The following CNTNAP2 variants were observed in gnomAD, a reference collection of about 807,000 sequenced individuals.
The protein encoded by CNTNAP2 is contactin associated protein 2.
CNTNAP2 carries 98 observed loss-of-function variants against 155.2 expected under a neutral mutation model. That is an observed-to-expected ratio of 0.63 (90% confidence interval 0.54 to 0.75). The LOEUF is 0.75. Ranked by LOEUF, CNTNAP2 falls within the 30% of genes least tolerant of loss-of-function variation. The pLI, the probability that CNTNAP2 is intolerant of heterozygous loss-of-function variation, is 0.00. For missense variants in CNTNAP2, 1,727 were observed against 1,688.1 expected (o/e 1.02, Z -0.40); for synonymous variants, 651 against 631.2 (o/e 1.03, Z -0.47).
intron 9 of CNTNAP2, among the ~76,000 whole-genome samples, chr7:147,313,757 G>T (rs1361546685): frequency 6.6e-6 from 1 of 152,018 alleles, no homozygotes; most frequent in Non-Finnish European, 1.5e-5. Context: ...CTCTTTTTTG[G>T]TTCCATATGA....
intron 1 of CNTNAP2, among the ~76,000 whole-genome samples, chr7:146,412,233 G>A (rs1428400304): frequency 5.3e-5 from 8 of 152,220 alleles, no homozygotes; most frequent in Non-Finnish European, 1.2e-4. Flanking sequence ...AGCCAGGGAC[G>A]TGGCCAAACA....
chr7:147,339,078 G>A (rs1795712224), intron 9 of CNTNAP2, among the ~76,000 whole-genome samples: 1 of 151,958 alleles, frequency 6.6e-6, no homozygotes, highest in Non-Finnish European at 1.5e-5. Context: ...TATCATCATT[G>A]AAATGTCTAC....
intron 8 of CNTNAP2, among the ~76,000 whole-genome samples, chr7:147,213,859 G>A (rs946492353): frequency 1.3e-5 from 2 of 152,058 alleles, no homozygotes; most frequent in East Asian, 1.9e-4. Context: ...ATCCTGGAGT[G>A]TCTGTGTAGA....
intron 6 of CNTNAP2, among the ~76,000 whole-genome samples, chr7:147,124,618 A>G (rs747622849): frequency 2.0e-5 from 3 of 152,216 alleles, no homozygotes; most frequent in Non-Finnish European, 4.4e-5. Context: ...AGTAAAGTGT[A>G]GAGATAAATT....
At chr7:147,408,308 G>A (rs1584931296) in intron 10 of CNTNAP2, among the ~76,000 whole-genome samples, 1 of 152,198 alleles carries the variant, frequency 6.6e-6, no homozygotes, top group East Asian at 1.9e-4. Flanking sequence ...GCAGTTCAAG[G>A]CACATGCTAT....
At chr7:147,414,896 C>A (rs1183834149) in intron 10 of CNTNAP2, among the ~76,000 whole-genome samples, 23 of 140,250 alleles carry the variant, frequency 1.6e-4, no homozygotes, top group African/African-American at 5.7e-4. Flanking sequence ...GAGCCGAGAT[C>A]GCGCCACTGC....
chr7:146,477,456 C>T (rs1437807487), intron 1 of CNTNAP2, among the ~76,000 whole-genome samples: 1 of 152,004 alleles, frequency 6.6e-6, no homozygotes, highest in Non-Finnish European at 1.5e-5. Flanking sequence ...TGGTCTCTAG[C>T]ATAGAGATTT....
At chr7:146,636,761 A>G (rs1383322322) in intron 1 of CNTNAP2, among the ~76,000 whole-genome samples, 1 of 152,212 alleles carries the variant, frequency 6.6e-6, no homozygotes, top group East Asian at 1.9e-4. Flanking sequence ...GATTTTCTTC[A>G]AAAGCTCTGA....
intron 1 of CNTNAP2, among the ~76,000 whole-genome samples, chr7:146,772,999 T>C (rs1233921645): frequency 6.6e-6 from 1 of 152,148 alleles, no homozygotes; most frequent in East Asian, 1.9e-4. Flanking sequence ...GTATGTGCCC[T>C]ATCTGTAGCT....
chr7:147,031,118 G>A lies in CNTNAP2; in HGVS notation c.403-12789G>A, dbSNP rs180881705. 3.7e-3 allele frequency among the ~76,000 whole-genome samples: 565 copies of A among 152,114 alleles called. 9 individuals are homozygous for A. The highest frequency in any genetic ancestry group is 0.014 in the Middle Eastern group (4 of 294). On this transcript the variant is annotated intron_variant, in intron 3 of 23. Coordinates refer to ENST00000361727, the MANE Select transcript of CNTNAP2 (RefSeq NM_014141.6). ...TTTTAACATTGCCAAGATTGATAAT[G>A]TTAGATTTGTATTTCTGTTTGTCTA... is the stretch of plus-strand genomic sequence containing the variant.
chr7:147,486,010 G>A lies in CNTNAP2; in HGVS notation c.1746G>A (p.Glu582=), dbSNP rs1402759612. The part of the protein sequence containing the change: ...TWDSFKCTCD[E]TGYSGATCHN... ...ACAGCTTCAAATGCACTTGTGATGAGACAGGATACAGTGGGGCCACCTGCC... is the reference window on the plus strand; with the variant it reads ...ACAGCTTCAAATGCACTTGTGATGAAACAGGATACAGTGGGGCCACCTGCC... Residue 582 remains glutamate (E), a synonymous_variant, in exon 11 of 24, where the codon GAG becomes GAA. Coordinates refer to ENST00000361727, the MANE Select transcript of CNTNAP2 (RefSeq NM_014141.6). 1.2e-6 allele frequency: 2 copies of A among 1,613,998 alleles called. No individual in the cohort carries two copies. Among genetic ancestry groups the A allele is most frequent in the East Asian group, 4.5e-5 (2 of 44,894 alleles).
intron 8 of CNTNAP2, among the ~76,000 whole-genome samples, chr7:147,249,512 C>A (rs1349974216): frequency 2.1e-5 from 3 of 145,774 alleles, no homozygotes. Flanking sequence ...TTGAACACAC[C>A]AACAATGGTC....
intron 1 of CNTNAP2, among the ~76,000 whole-genome samples, chr7:146,733,300 A>T (rs1563208944): frequency 2.6e-5 from 4 of 152,122 alleles, no homozygotes; most frequent in Non-Finnish European, 4.4e-5. Context: ...CATCAAAATA[A>T]ATATTTACAT....
At chr7:147,230,560 A>C (rs1803658022) in intron 8 of CNTNAP2, among the ~76,000 whole-genome samples, 1 of 152,172 alleles carries the variant, frequency 6.6e-6, no homozygotes, top group Non-Finnish European at 1.5e-5. Context: ...GAAATATTTA[A>C]TTGACATAAC....
intron 1 of CNTNAP2, among the ~76,000 whole-genome samples, chr7:146,451,079 T>C (rs1796473291): frequency 6.6e-6 from 1 of 152,088 alleles, no homozygotes; most frequent in African/African-American, 2.4e-5. Context: ...CCCGAGTAGC[T>C]GGGACTACAG....
At chr7:146,683,611 G>A (rs545755200) in intron 1 of CNTNAP2, among the ~76,000 whole-genome samples, 21 of 152,180 alleles carry the variant, frequency 1.4e-4, no homozygotes, top group Admixed American at 5.2e-4. Flanking sequence ...CATACAAAGA[G>A]TTTACTCAGC....
chr7:146,596,511 T>C (rs897601972), intron 1 of CNTNAP2, among the ~76,000 whole-genome samples: 5 of 151,326 alleles, frequency 3.3e-5, no homozygotes, highest in African/African-American at 1.2e-4. Flanking sequence ...GTGCCTACAT[T>C]ATTACCCAAA....
At chr7:146,605,096 A>G (rs1166440824) in intron 1 of CNTNAP2, among the ~76,000 whole-genome samples, 1 of 150,732 alleles carries the variant, frequency 6.6e-6, no homozygotes, top group Non-Finnish European at 1.5e-5. Context: ...ACAAAAAAAA[A>G]AAGAAAAAAA....
At chr7:146,396,783 A>T (rs1460514291) in intron 1 of CNTNAP2, among the ~76,000 whole-genome samples, 1 of 151,472 alleles carries the variant, frequency 6.6e-6, no homozygotes, top group Non-Finnish European at 1.5e-5. Context: ...CAGTACTAGC[A>T]TGCTAAATAT....
Sources: allele counts gnomAD v4.1 joint callset (sites outside exome capture counted in the v4.1 genomes callset), GRCh38; gene constraint gnomAD v4.1.1; transcripts MANE v1.5; gene names NCBI Gene and HGNC (gene_info 2026-07-23, HGNC 2026-07-21).